Variants in SAMD5 observed in about 807,000 individuals in gnomAD.
SAMD5 encodes sterile alpha motif domain-containing protein 5.
Under a neutral mutation model 11.3 loss-of-function variants are expected in SAMD5, and 13 were observed. The ratio of observed to expected loss-of-function variants is 1.15; its 90% CI spans 0.75 to 1.83. The LOEUF (loss-of-function observed/expected upper bound fraction) is 1.83. Ranked by LOEUF, SAMD5 falls within the 40% of genes most tolerant of loss-of-function variation. The pLI is 0.00. For missense variants in SAMD5, 255 were observed against 239.1 expected, an observed-to-expected ratio of 1.07 and a Z score of -0.44; for synonymous variants, 129 against 111.3, an observed-to-expected ratio of 1.16 and a Z score of -1.00.
chr6:147,675,198 A>G (rs778746268), intron 1 of SAMD5, among the ~76,000 whole-genome samples: 1 of 152,270 alleles, frequency 6.6e-6, no homozygotes, highest in South Asian at 2.1e-4. Context: ...AGAATCATGC[A>G]TCAAACACCC....
the SAMD5 span, among the ~76,000 whole-genome samples, chr6:147,885,891 T>C: frequency 6.6e-6 from 1 of 152,360 alleles, no homozygotes; most frequent in African/African-American, 2.4e-5. Flanking sequence ...CAAGATGATT[T>C]CATGGGAAAA....
At chr6:147,619,832 C>T (rs577181215) in intron 1 of SAMD5, among the ~76,000 whole-genome samples, 1 of 152,274 alleles carries the variant, frequency 6.6e-6, no homozygotes, top group African/African-American at 2.4e-5. Flanking sequence ...TTGATGATAA[C>T]TCCTCAAAGG....
At chr6:147,702,707 C>T (rs1410395863) in intron 1 of SAMD5, among the ~76,000 whole-genome samples, 1 of 152,146 alleles carries the variant, frequency 6.6e-6, no homozygotes, top group Non-Finnish European at 1.5e-5. Context: ...GTGAATTTTA[C>T]TGAGTGCTCC....
chr6:147,597,559 G>A (rs138539571), intron 1 of SAMD5, among the ~76,000 whole-genome samples: 3 of 152,204 alleles, frequency 2.0e-5, no homozygotes, highest in African/African-American at 4.8e-5. Flanking sequence ...ACTGGAAAGC[G>A]TACTTACAAA....
At chr6:147,905,836 C>T in the SAMD5 span, among the ~76,000 whole-genome samples, 79 of 152,250 alleles carry the variant, frequency 5.2e-4, no homozygotes, top group African/African-American at 1.7e-3. Flanking sequence ...ATGCCAAAGA[C>T]GCCTATCCTC....
At position 147,724,873 on chromosome 6, in the gene SAMD5, G is replaced by A. The variant is rs117253250; in HGVS notation, c.163-12444G>A. On this transcript the variant is annotated intron_variant, in intron 1 of 1. Transcript: ENST00000566741. The stretch of plus-strand genomic sequence containing the variant: ...AAACCTAAGAGTTTGGTGATTTAAA[G>A]TTTACTGCTAATTTCAGACAAACAT... 8.5e-3 allele frequency among the ~76,000 whole-genome samples: 1,287 copies of A among 152,142 alleles called. 8 individuals are homozygous for A. Among genetic ancestry groups the A allele is most frequent in the Admixed American group, 0.011 (171 of 15,280 alleles).
At chr6:147,673,603 G>GT (rs138562768) in intron 1 of SAMD5, among the ~76,000 whole-genome samples, 11,764 of 151,198 alleles carry the variant, frequency 0.078, 800 homozygotes, top group African/African-American at 0.19. Context: ...ATGGTATCAG[G>GT]TTTTTTTTTC....
intron 1 of SAMD5, among the ~76,000 whole-genome samples, chr6:147,635,226 TCACCAC>T (rs67874878): frequency 3.4e-4 from 52 of 151,592 alleles, no homozygotes; most frequent in Admixed American, 1.4e-3. Flanking sequence ...ATCACTGTTG[TCACCAC>T]CACCACCACC....
chr6:147,937,051 C>T, the SAMD5 span, among the ~76,000 whole-genome samples: 1 of 152,032 alleles, frequency 6.6e-6, no homozygotes, highest in Non-Finnish European at 1.5e-5. Flanking sequence ...TGAATAGTGC[C>T]TGGAAGATAG....
chr6:147,947,542 T>C, the SAMD5 span: 1 of 152,340 alleles, frequency 6.6e-6, no homozygotes. Context: ...TTTGCTCTGG[T>C]ACAAGGTACT....
chr6:147,894,312 C>G, the SAMD5 span, among the ~76,000 whole-genome samples: 5 of 151,910 alleles, frequency 3.3e-5, no homozygotes, highest in Non-Finnish European at 7.4e-5. Context: ...TTAGTAGAGA[C>G]GGGGTTTTAC....
chr6:147,625,308 C>T (rs1284317499), intron 1 of SAMD5, among the ~76,000 whole-genome samples: 6 of 152,256 alleles, frequency 3.9e-5, no homozygotes. Context: ...ATTTCTGATG[C>T]TTTCGTAATG....
the SAMD5 span, among the ~76,000 whole-genome samples, chr6:147,803,084 A>C: frequency 2.7e-5 from 4 of 150,602 alleles, no homozygotes; most frequent in Admixed American, 2.6e-4. Context: ...ACATATACTA[A>C]ATACTTCTTT....
At chr6:147,941,362 G>C in the SAMD5 span, among the ~76,000 whole-genome samples, 2 of 152,306 alleles carry the variant, frequency 1.3e-5, no homozygotes, top group Admixed American at 6.5e-5. Flanking sequence ...TGTGGTTAAA[G>C]GGACTTTGGC....
intron 1 of SAMD5, among the ~76,000 whole-genome samples, chr6:147,705,806 A>G (rs1791317785): frequency 2.0e-5 from 3 of 152,208 alleles, no homozygotes; most frequent in Non-Finnish European, 4.4e-5. Flanking sequence ...TTATTTACAT[A>G]TGCATTGGAA....
the SAMD5 span, among the ~76,000 whole-genome samples, chr6:147,742,651 C>T: frequency 6.6e-6 from 1 of 152,086 alleles, no homozygotes; most frequent in Non-Finnish European, 1.5e-5. Flanking sequence ...CTGAAGGGGG[C>T]AGTACTCTAT....
the SAMD5 span, among the ~76,000 whole-genome samples, chr6:147,749,632 C>T: frequency 6.3e-3 from 965 of 152,076 alleles, 5 homozygotes; most frequent in Non-Finnish European, 9.8e-3. Flanking sequence ...GGAATATGAC[C>T]GGGTTAGAGT....
At chr6:147,840,953 A>G in the SAMD5 span, among the ~76,000 whole-genome samples, 11 of 152,358 alleles carry the variant, frequency 7.2e-5, no homozygotes, top group Non-Finnish European at 1.0e-4. Context: ...TTATACGTAT[A>G]TATCAACAGA....
chr6:147,530,571 A>G (rs147584021), intron 1 of SAMD5, among the ~76,000 whole-genome samples: 169 of 152,324 alleles, frequency 1.1e-3, no homozygotes, highest in African/African-American at 3.8e-3. Context: ...CTCCTGAGCC[A>G]CAACTGGCTT....
Sources: gnomAD v4.1 joint callset for allele counts (sites outside exome capture counted in the v4.1 genomes callset) on GRCh38, gnomAD v4.1.1 for gene constraint, MANE v1.5 for transcripts, NCBI Gene and HGNC (gene_info 2026-07-23, HGNC 2026-07-21) for gene names.